Variants in ANKRD33B observed in about 807,000 individuals in gnomAD.
ANKRD33B encodes ankyrin repeat domain 33B.
A neutral mutation model predicts 21.5 loss-of-function variants in ANKRD33B; 6 were observed. The ratio of observed to expected loss-of-function variants is 0.28; its 90% CI spans 0.15 to 0.55. The LOEUF is 0.55. ANKRD33B is among the 20% of genes least tolerant of loss of function. The probability of loss-of-function intolerance (pLI) is 0.94; values close to 1 mark genes in which losing one functional copy is unlikely to be tolerated. For synonymous variants in ANKRD33B, 347 were observed against 342.4 expected (o/e 1.01, Z -0.15); for missense variants, 698 against 747.2 (o/e 0.93, Z 0.77).
At chr5:10,598,215 C>G (rs1179458419) in intron 1 of ANKRD33B, among the ~76,000 whole-genome samples, 1 of 152,170 alleles carries the variant, frequency 6.6e-6, no homozygotes, top group Non-Finnish European at 1.5e-5. Context: ...TTCTAGCCTG[C>G]CCCTTCTAGC....
intron 1 of ANKRD33B, among the ~76,000 whole-genome samples, chr5:10,580,265 G>A (rs772189594): frequency 1.3e-5 from 2 of 152,200 alleles, no homozygotes; most frequent in Non-Finnish European, 2.9e-5. Flanking sequence ...AGAGCCCTAA[G>A]TCTGACTCAT....
chr5:10,581,366 T>G (rs1735439505), intron 1 of ANKRD33B, among the ~76,000 whole-genome samples: 2 of 152,250 alleles, frequency 1.3e-5, no homozygotes, highest in Non-Finnish European at 2.9e-5. Flanking sequence ...GCAGCCTGTT[T>G]GAGGTGCACG....
chr5:10,620,113 G>T (rs1736386329), intron 2 of ANKRD33B, among the ~76,000 whole-genome samples: 1 of 152,122 alleles, frequency 6.6e-6, no homozygotes, highest in African/African-American at 2.4e-5. Flanking sequence ...ATGTATTTCA[G>T]TAGCGTGAGG....
At position 10,656,708 on chromosome 5, in the gene ANKRD33B, ATC is replaced by A. The variant is rs1737495778; in HGVS notation, c.*6601_*6602del. ...GAACCCATTTGGCCAGGTCTGGGCCATCTCTCTGCCTCTGCCCTATCTTGGCT... is the reference window on the plus strand; with the variant it reads ...GAACCCATTTGGCCAGGTCTGGGCCATCTCTGCCTCTGCCCTATCTTGGCT... On this transcript the variant is annotated 3_prime_UTR_variant, in exon 4 of 4. Transcript: ENST00000296657. 1 of 152,496 alleles carries A rather than the reference ATC, an allele frequency of 6.6e-6. No individual in the cohort carries two copies. Among genetic ancestry groups the A allele is most frequent in the East Asian group, 1.9e-4 (1 of 5,300 alleles). The allele number at this position is 152,496 out of a possible 1,614,324, so 9.4% of individuals were successfully genotyped here.
intron 1 of ANKRD33B, among the ~76,000 whole-genome samples, chr5:10,579,067 G>T (rs915973739): frequency 6.6e-6 from 1 of 151,676 alleles, no homozygotes; most frequent in African/African-American, 2.4e-5. Flanking sequence ...AGGAGGCTGA[G>T]GTTGGAGAAT....
At position 10,653,919 on chromosome 5, in the gene ANKRD33B, C is replaced by G. The variant is rs1471700318; in HGVS notation, c.*3806C>G. The G allele has an allele frequency of 1.3e-5, 2 of 152,470 alleles. No individual in the cohort carries two copies. Among genetic ancestry groups the G allele is most frequent in the Admixed American group, 1.3e-4 (2 of 15,280 alleles). The allele number at this position is 152,470 out of a possible 1,614,324, so 9.4% of individuals were successfully genotyped here. ...GAGGAGGGGACCGATGAGCACCGACCCCTTCTCTTCACCTGTCAGTGGCCA... is the reference window on the plus strand; with the variant it reads ...GAGGAGGGGACCGATGAGCACCGACGCCTTCTCTTCACCTGTCAGTGGCCA... On this transcript the variant is annotated 3_prime_UTR_variant, in exon 4 of 4. Coordinates refer to ENST00000296657, the MANE Select transcript of ANKRD33B (RefSeq NM_001164440.2).
intron 3 of ANKRD33B, among the ~76,000 whole-genome samples, chr5:10,648,741 A>C (rs1439784900): frequency 6.6e-6 from 1 of 152,122 alleles, no homozygotes; most frequent in Non-Finnish European, 1.5e-5. Context: ...CCTGGGCAAC[A>C]AGAGTGAAAT....
At chr5:10,570,403 C>A (rs1266120257) in intron 1 of ANKRD33B, among the ~76,000 whole-genome samples, 1 of 152,134 alleles carries the variant, frequency 6.6e-6, no homozygotes, top group African/African-American at 2.4e-5. Context: ...ATCGCTGCTC[C>A]ATTTGGTCTC....
chr5:10,612,829 CAT>C (rs1171416826), intron 1 of ANKRD33B, among the ~76,000 whole-genome samples: 1 of 152,218 alleles, frequency 6.6e-6, no homozygotes, highest in Non-Finnish European at 1.5e-5. Context: ...GCAAATCACA[CAT>C]GTGTTAGCAG....
intron 2 of ANKRD33B, among the ~76,000 whole-genome samples, chr5:10,636,574 G>A (rs553515283): frequency 6.6e-6 from 1 of 152,332 alleles, no homozygotes; most frequent in Admixed American, 6.5e-5. Flanking sequence ...CTATGATCGT[G>A]CTCCTGCACT....
At chr5:10,579,426 G>A (rs1023500496) in intron 1 of ANKRD33B, among the ~76,000 whole-genome samples, 12 of 151,872 alleles carry the variant, frequency 7.9e-5, no homozygotes, top group African/African-American at 2.9e-4. Flanking sequence ...CAAATCAGGT[G>A]CTGAAGGGAT....
At chr5:10,631,693 G>T (rs542367551) in intron 2 of ANKRD33B, among the ~76,000 whole-genome samples, 13 of 152,190 alleles carry the variant, frequency 8.5e-5, no homozygotes, top group African/African-American at 2.9e-4. Flanking sequence ...GGAGAAACAC[G>T]CAAGTGTGCA....
rs1206684506 is a variant in ANKRD33B, at chr5:10,576,800, T to C, written c.366+11967T>C. On this transcript the variant is annotated intron_variant, in intron 1 of 3. Coordinates refer to ENST00000296657, the MANE Select transcript of ANKRD33B (RefSeq NM_001164440.2). The surrounding 1 kb of genome is among the most constrained non-coding windows in gnomAD (Gnocchi z 4.1). ...TAGTTAAGAAAATAGCACATCCACA[T>C]GGTGAGGCCTCTTTTGTAACTGTTA... Among the ~76,000 whole-genome samples the C allele has an allele frequency of 1.3e-5, 2 of 152,234 alleles. No individual in the cohort carries two copies. The highest frequency in any genetic ancestry group is 2.9e-5 in the Non-Finnish European group (2 of 68,042).
intron 3 of ANKRD33B, among the ~76,000 whole-genome samples, chr5:10,638,605 C>T (rs1347037553): frequency 6.6e-6 from 1 of 152,112 alleles, no homozygotes; most frequent in Non-Finnish European, 1.5e-5. Flanking sequence ...TGCATAGTAA[C>T]GTTAGGAGGT....
intron 1 of ANKRD33B, among the ~76,000 whole-genome samples, chr5:10,593,790 C>A (rs1032140228): frequency 6.6e-6 from 1 of 152,006 alleles, no homozygotes; most frequent in South Asian, 2.1e-4. Flanking sequence ...TCCAGCACAA[C>A]CCCCACCCCT....
chr5:10,607,284 G>C (rs1466735141), intron 1 of ANKRD33B, among the ~76,000 whole-genome samples: 1 of 152,204 alleles, frequency 6.6e-6, no homozygotes, highest in Admixed American at 6.5e-5. Flanking sequence ...CCGGCTAGAG[G>C]GGGCAGGGCT....
At chr5:10,623,595 C>T (rs139827653) in intron 2 of ANKRD33B, among the ~76,000 whole-genome samples, 167 of 152,332 alleles carry the variant, frequency 1.1e-3, no homozygotes, top group African/African-American at 3.7e-3. Context: ...ACAGGAATTT[C>T]GGAGGACAGA....
At chr5:10,638,277 G>A in intron 3 of ANKRD33B, 109 bp downstream of exon 3, 1 of 1,324,132 alleles carries the variant, frequency 7.6e-7, no homozygotes, top group Non-Finnish European at 1.0e-6. Context: ...ATGCCTAGTT[G>A]CTGCAATAAA....
intron 2 of ANKRD33B, among the ~76,000 whole-genome samples, chr5:10,637,410 G>T (rs1352681345): frequency 7.9e-6 from 1 of 127,076 alleles, no homozygotes; most frequent in Admixed American, 8.3e-5. Flanking sequence ...GGATGTGTGT[G>T]GGCGTAGGTA....
Sources: allele counts gnomAD v4.1 joint callset (sites outside exome capture counted in the v4.1 genomes callset), GRCh38; gene constraint gnomAD v4.1.1; non-coding constraint Gnocchi (gnomAD v3.1); transcripts MANE v1.5; gene names NCBI Gene and HGNC (gene_info 2026-07-23, HGNC 2026-07-21).